The following WHAMM variants were observed in gnomAD, a reference collection of about 807,000 sequenced individuals.
WHAMM encodes the protein WASP homolog associated with actin, golgi membranes and microtubules.
Under a neutral mutation model 76.5 loss-of-function variants are expected in WHAMM, and 67 were observed. The observed-to-expected ratio is 0.88, with a 90% CI of 0.72 to 1.07. The LOEUF is 1.07. Ranked by LOEUF, WHAMM falls within the 50% of genes least tolerant of loss-of-function variation. WHAMM has a pLI of 0.00. For synonymous variants in WHAMM, 419 were observed against 422.1 expected, an observed-to-expected ratio of 0.99 and a Z score of 0.09; for missense variants, 1,021 against 1,051.1, an observed-to-expected ratio of 0.97 and a Z score of 0.40.
rs868255085 is a variant in WHAMM at position 82,830,623 on chromosome 15, AAC to A, written c.1669_1670del (p.Thr557LeufsTer13). The part of the protein sequence containing the change: ...KDKRLAQSVR[N>X]TSGSEPVAPN... ...GAAACGCCTAGCTCAATCTGTCCGA[AAC>A]ACCTCTGGCTCAGAACCTGTGGCTC... is the stretch of plus-strand genomic sequence containing the variant. On this transcript the variant is annotated frameshift_variant, in exon 9 of 10. Coordinates refer to ENST00000286760, the MANE Select transcript of WHAMM (RefSeq NM_001080435.3). LOFTEE classifies it high-confidence loss of function. 1 of 1,613,336 alleles carries A rather than the reference AAC, an allele frequency of 6.2e-7. No individual in the cohort carries two copies. The highest frequency in any genetic ancestry group is 1.3e-5 in the African/African-American group (1 of 74,890).
Position 82,833,569 on chromosome 15 carries a change from G to C in WHAMM, c.*33G>C. Reference sequence around the variant, plus strand: ...TTTGACAAAGGCACCTGCCACAGTAGGCTTGAATAAAGTGGGTGAGTCTTA... The same window carrying C: ...TTTGACAAAGGCACCTGCCACAGTACGCTTGAATAAAGTGGGTGAGTCTTA... On this transcript the variant is annotated 3_prime_UTR_variant, in exon 10 of 10. Coordinates refer to ENST00000286760, the MANE Select transcript of WHAMM (RefSeq NM_001080435.3). The C allele has an allele frequency of 1.2e-6, 2 of 1,604,756 alleles. No homozygotes were observed.
chr15:82,819,512 C>T, intron 5 of WHAMM, 24 bp downstream of exon 5: 1 of 1,107,084 alleles, frequency 9.0e-7, no homozygotes, highest in Non-Finnish European at 1.2e-6. Flanking sequence ...ATATAGATTG[C>T]AATGTTTAAA....
chr15:82,834,705 T>C lies in WHAMM; in HGVS notation c.*1169T>C, dbSNP rs9806482. On this transcript the variant is annotated 3_prime_UTR_variant, in exon 10 of 10. Coordinates refer to ENST00000286760, the MANE Select transcript of WHAMM (RefSeq NM_001080435.3). Reference sequence around the variant, plus strand: ...GAAATTTATTTTAGGCACCAAGCACTACATAAACTCATAATAACTATTTGC... The same window carrying C: ...GAAATTTATTTTAGGCACCAAGCACCACATAAACTCATAATAACTATTTGC... 0.46 allele frequency: 70,207 copies of C among 152,506 alleles called. 16,820 individuals are homozygous for C. The highest frequency in any genetic ancestry group is 0.52 in the Non-Finnish European group (35,340 of 67,994). The allele number at this position is 152,506 out of a possible 1,614,324, so 9.4% of individuals were successfully genotyped here. A position where few individuals can be genotyped will look rare whatever the true frequency, so the allele number is the denominator to read the frequency against.
At chr15:82,829,452 A>T (rs545817733) in intron 8 of WHAMM, among the ~76,000 whole-genome samples, 1 of 152,238 alleles carries the variant, frequency 6.6e-6, no homozygotes, top group Admixed American at 6.5e-5. Flanking sequence ...TTGGATGACC[A>T]CTGGAGTTTA....
At chr15:82,832,924 A>G (rs1373146855) in intron 9 of WHAMM, among the ~76,000 whole-genome samples, 2 of 152,210 alleles carry the variant, frequency 1.3e-5, no homozygotes, top group Non-Finnish European at 2.9e-5. Flanking sequence ...TGGGAGGGAC[A>G]GATCACATTT....
chr15:82,825,957 A>G (rs181561091), intron 6 of WHAMM, among the ~76,000 whole-genome samples: 17 of 152,344 alleles, frequency 1.1e-4, no homozygotes, highest in Admixed American at 6.5e-4. Context: ...TTATGTGCAT[A>G]TCGCATATTA....
At chr15:82,829,606 G>A (rs1836961097) in intron 8 of WHAMM, among the ~76,000 whole-genome samples, 2 of 152,148 alleles carry the variant, frequency 1.3e-5, no homozygotes, top group Admixed American at 1.3e-4. Flanking sequence ...CCTGAAAGGA[G>A]CAGAAAGTGA....
At chr15:82,828,273 A>G (rs749663077) in intron 8 of WHAMM, among the ~76,000 whole-genome samples, 2 of 152,172 alleles carry the variant, frequency 1.3e-5, no homozygotes, top group African/African-American at 2.4e-5. Flanking sequence ...AAACAGCAGG[A>G]ATTGAAGCCA....
At chr15:82,814,118 C>T (rs1487709734) in intron 2 of WHAMM, among the ~76,000 whole-genome samples, 1 of 152,200 alleles carries the variant, frequency 6.6e-6, no homozygotes, top group Non-Finnish European at 1.5e-5. Context: ...ACTCTTGCTT[C>T]ATTGAGCCAT....
At position 82,831,022 on chromosome 15, in the gene WHAMM, G is replaced by GT; in HGVS notation, c.2066dup (p.Cys690ValfsTer6). ...GAAAGATGACCAGCCACGTCCTCTA[G>GT]TGTGCGAATCACCTGCTGAGCGACC... On this transcript the variant is annotated frameshift_variant, in exon 9 of 10. Transcript: ENST00000286760. LOFTEE classifies it high-confidence loss of function. The GT allele has an allele frequency of 6.2e-7, 1 of 1,609,442 alleles. No homozygotes were observed. Among genetic ancestry groups the GT allele is most frequent in the Non-Finnish European group, 8.5e-7 (1 of 1,179,566 alleles).
At chr15:82,816,864 T>C in intron 3 of WHAMM, 22 bp downstream of exon 3, 1 of 1,547,148 alleles carries the variant, frequency 6.5e-7, no homozygotes, top group South Asian at 1.2e-5. Context: ...AAAAATGCTA[T>C]ATGAAGATAC....
At position 82,822,993 on chromosome 15, in the gene WHAMM, CAGT is replaced by C. The variant is rs370929575; in HGVS notation, c.1271-106_1271-104del. 7.5e-4 allele frequency: 697 copies of C among 927,742 alleles called. 4 individuals carry two copies. In the African/African-American group the frequency reaches 0.01, roughly 14 times the overall value. The allele number at this position is 927,742 out of a possible 1,614,324, so 57.5% of individuals were successfully genotyped here. ...TTTCATATATGTTAATAGTGCTTCT[CAGT>C]GGTGGGATTACAAGTGATCTTTATT... On this transcript the variant is annotated intron_variant, in intron 5 of 9. Transcript: ENST00000286760.
rs2051079523 is a variant in WHAMM at position 82,833,720 on chromosome 15, C to T, written c.*184C>T. The T allele has an allele frequency of 3.1e-6, 2 of 644,980 alleles. No individual in the cohort carries two copies. Among genetic ancestry groups the T allele is most frequent in the Non-Finnish European group, 2.6e-6 (1 of 388,622 alleles). The allele number at this position is 644,980 out of a possible 1,614,324, so 40.0% of individuals were successfully genotyped here. On this transcript the variant is annotated 3_prime_UTR_variant, in exon 10 of 10. Transcript: ENST00000286760. ...TTTTTTCTTTTTTGAGATGGAGTCT[C>T]ACTCTGTCGCCCAGGCTGGGGTGCA...
intron 2 of WHAMM, among the ~76,000 whole-genome samples, chr15:82,814,285 C>A (rs2050682110): frequency 6.6e-6 from 1 of 152,174 alleles, no homozygotes; most frequent in Non-Finnish European, 1.5e-5. Context: ...CTGCACCGGG[C>A]CATCTTTCCA....
At position 82,826,486 on chromosome 15, in the gene WHAMM, G is replaced by A; in HGVS notation, c.1535G>A (p.Ser512Asn). The A allele has an allele frequency of 6.2e-7, 1 of 1,613,366 alleles. No homozygotes were observed. The highest frequency in any genetic ancestry group is 8.5e-7 in the Non-Finnish European group (1 of 1,179,286). ...ATAAGATACTCTCGTCAGCATCACA[G>A]TATTCAGATGGTGAGTCTCCTCCGA... ...ESIRYSRQHH[S>N]IQMKRDKIKE... Residue 512 changes from serine (S) to asparagine (N), a missense_variant, in exon 7 of 10, where the codon AGT becomes AAT. Around this residue, in one of 3 missense-constraint regions of WHAMM, gnomAD observed 509 missense variants for 492.3 expected, o/e 1.03. Transcript: ENST00000286760.
chr15:82,825,844 T>C (rs555688985), intron 6 of WHAMM, among the ~76,000 whole-genome samples: 1 of 152,018 alleles, frequency 6.6e-6, no homozygotes, highest in Non-Finnish European at 1.5e-5. Flanking sequence ...GAGGATAAAG[T>C]ATCATAAGGC....
In WHAMM at chr15:82,833,271, C is replaced by T. The variant is rs2051063977; in HGVS notation, c.2165C>T (p.Ala722Val). ...TTGGCCTCCTTAAGGCATGGCAGAG[C>T]TCCTCTCCGGAAGGTGGAAGTGCCG... is the stretch of plus-strand genomic sequence containing the variant. The part of the protein sequence containing the change: ...EVLASLRHGR[A>V]PLRKVEVPAV... The change falls in exon 10 of 10, where the codon GCT becomes GTT. Residue 722 changes from alanine to valine, a missense_variant. Transcript: ENST00000286760. 1 of 1,613,846 alleles carries T rather than the reference C, an allele frequency of 6.2e-7. No individual in the cohort carries two copies. The highest frequency in any genetic ancestry group is 8.5e-7 in the Non-Finnish European group (1 of 1,179,874).
At chr15:82,813,933 T>A (rs1029477699) in intron 2 of WHAMM, among the ~76,000 whole-genome samples, 1 of 152,130 alleles carries the variant, frequency 6.6e-6, no homozygotes, top group Non-Finnish European at 1.5e-5. Context: ...GTGCTGGGAT[T>A]ACAAGCATGA....
intron 8 of WHAMM, among the ~76,000 whole-genome samples, chr15:82,829,699 T>TGG (rs56040281): frequency 5.3e-5 from 8 of 151,352 alleles, no homozygotes; most frequent in Non-Finnish European, 8.9e-5. Flanking sequence ...ATGGATTGCA[T>TGG]GGGGGGGGTG....
Sources: allele counts gnomAD v4.1 joint callset (sites outside exome capture counted in the v4.1 genomes callset), GRCh38; gene constraint gnomAD v4.1.1; regional missense constraint gnomAD v4.1.1; transcripts MANE v1.5; gene names NCBI Gene and HGNC (gene_info 2026-07-23, HGNC 2026-07-21).